DIP2C: variants seen among roughly 807,000 people sequenced by gnomAD.
The protein encoded by DIP2C is DIP2 acetate--CoA ligase C (putative), also known as disco-interacting protein 2 homolog C.
Under a neutral mutation model 192.4 loss-of-function variants are expected in DIP2C, and 33 were observed. The ratio of observed to expected loss-of-function variants is 0.17; its 90% CI spans 0.13 to 0.23. The LOEUF (loss-of-function observed/expected upper bound fraction) is 0.23. Among genes scored for constraint, DIP2C ranks in the 10% least tolerant of loss-of-function variants. The pLI is 1.00. For synonymous variants in DIP2C, 979 were observed against 864.1 expected (o/e 1.13, Z -2.33); for missense variants, 1,537 against 2,110.1 (o/e 0.73, Z 5.32).
At chr10:436,100 C>T (rs149204033) in intron 4 of DIP2C, among the ~76,000 whole-genome samples, 1,572 of 152,250 alleles carry the variant, frequency 0.01, 8 homozygotes, top group Non-Finnish European at 0.017. Flanking sequence ...TTTCACACAG[C>T]GAATTCAGTT....
chr10:689,382 C>T lies in DIP2C; in HGVS notation c.85+112G>A. On this transcript the variant is annotated intron_variant, in intron 1 of 36. Transcript: ENST00000280886. The surrounding 1 kb of genome is among the most constrained non-coding windows in gnomAD (Gnocchi z 6.1). ...CGCACGCTCCGGGCTGGGGTCGCAC[C>T]TCCCCCTCCGGGCCCGGCCCCCGCC... The T allele has an allele frequency of 1.8e-6, 1 of 555,494 alleles. No individual in the cohort carries two copies. Among genetic ancestry groups the T allele is most frequent in the Non-Finnish European group, 2.3e-6 (1 of 434,696 alleles). 34.4% of individuals were successfully genotyped at this position (555,494 alleles called of 1,614,324 possible).
chr10:453,326 G>C (rs565858300), intron 3 of DIP2C, among the ~76,000 whole-genome samples: 1 of 151,712 alleles, frequency 6.6e-6, no homozygotes, highest in East Asian at 1.9e-4. Flanking sequence ...GAAATCTCTC[G>C]GGTGAAGGTA....
At chr10:456,915 T>C (rs1969349773) in intron 3 of DIP2C, among the ~76,000 whole-genome samples, 1 of 152,252 alleles carries the variant, frequency 6.6e-6, no homozygotes. Flanking sequence ...CTTTTCTTCA[T>C]GTGGACTGGA....
intron 3 of DIP2C, among the ~76,000 whole-genome samples, chr10:450,465 C>T (rs991286680): frequency 6.6e-6 from 1 of 152,224 alleles, no homozygotes; most frequent in Non-Finnish European, 1.5e-5. Context: ...TTGGGCCACA[C>T]TTCCTGCTTC....
At chr10:442,295 G>A (rs910792841) in intron 3 of DIP2C, among the ~76,000 whole-genome samples, 5 of 152,002 alleles carry the variant, frequency 3.3e-5, no homozygotes, top group Admixed American at 2.6e-4. Context: ...ACCCAGACCC[G>A]CCGCATCACG....
intron 1 of DIP2C, among the ~76,000 whole-genome samples, chr10:657,120 G>GCTGGACCTGCCACTGGACCTGCCA (rs1196149308): frequency 7.2e-6 from 1 of 139,120 alleles, no homozygotes; most frequent in Non-Finnish European, 1.6e-5. Flanking sequence ...CGGACCTGCC[G>GCTGGACCTGCCACTGGACCTGCCA]CTGGACCTGC....
chr10:427,237 CCCT>C (rs1966652459), intron 4 of DIP2C, among the ~76,000 whole-genome samples: 3 of 152,162 alleles, frequency 2.0e-5, no homozygotes, highest in African/African-American at 7.2e-5. Context: ...GACTTATGGC[CCCT>C]CCTCATCTTT....
At chr10:530,764 T>A (rs1847319225) in intron 1 of DIP2C, among the ~76,000 whole-genome samples, 1 of 151,466 alleles carries the variant, frequency 6.6e-6, no homozygotes, top group Non-Finnish European at 1.5e-5. Context: ...CGAGATGGAC[T>A]CTCTGTGGCT....
intron 1 of DIP2C, among the ~76,000 whole-genome samples, chr10:553,954 T>C (rs375314552): frequency 1.4e-5 from 2 of 147,136 alleles, no homozygotes; most frequent in Non-Finnish European, 3.0e-5. Context: ...TGATACCTCA[T>C]AGAAAAAACG....
chr10:419,111 C>G lies in DIP2C; in HGVS notation c.693G>C (p.Arg231=). 1 of 1,614,272 alleles carries G rather than the reference C, an allele frequency of 6.2e-7. No homozygotes were observed. The highest frequency in any genetic ancestry group is 8.5e-7 in the Non-Finnish European group (1 of 1,180,054). The change falls in exon 6 of 37, where the codon CGG becomes CGC. Residue 231 remains arginine (R), a synonymous_variant. Coordinates refer to ENST00000280886, the MANE Select transcript of DIP2C (RefSeq NM_014974.3). The part of the protein sequence containing the change: ...VERPQGSTGS[R]TAPKYGNAEL... ...CGGCGTTGCCGTACTTGGGCGCTGTCCGGGACCCCGTGGAACCCTGCGGTC... is the reference window on the plus strand; with the variant it reads ...CGGCGTTGCCGTACTTGGGCGCTGTGCGGGACCCCGTGGAACCCTGCGGTC...
chr10:353,500 T>G (rs1029932263), intron 24 of DIP2C, among the ~76,000 whole-genome samples: 3 of 151,494 alleles, frequency 2.0e-5, no homozygotes, highest in Non-Finnish European at 4.4e-5. Context: ...GCGACTCTCG[T>G]GCTTCCAGCC....
chr10:431,227 G>A (rs938966854), intron 4 of DIP2C, among the ~76,000 whole-genome samples: 2 of 152,052 alleles, frequency 1.3e-5, no homozygotes, highest in African/African-American at 4.8e-5. Context: ...TTGAATCAGT[G>A]TGTTGATATT....
At chr10:291,392 C>G (rs1017836147) in intron 32 of DIP2C, among the ~76,000 whole-genome samples, 1 of 152,198 alleles carries the variant, frequency 6.6e-6, no homozygotes, top group Admixed American at 6.5e-5. Flanking sequence ...GATGAAAAAG[C>G]TAAATATCCT....
At chr10:417,571 G>A (rs1965727093) in intron 6 of DIP2C, among the ~76,000 whole-genome samples, 2 of 152,042 alleles carry the variant, frequency 1.3e-5, no homozygotes, top group South Asian at 4.1e-4. Flanking sequence ...CTCACGTGAG[G>A]ATGTGGCAGT....
chr10:381,582 G>A lies in DIP2C; in HGVS notation c.1991+1065C>T, dbSNP rs142428623. Among the ~76,000 whole-genome samples the A allele has an allele frequency of 7.2e-5, 11 of 152,282 alleles. No individual in the cohort carries two copies. In the East Asian group the frequency reaches 1.4e-3, roughly 19 times the overall value. ...TCCAGACACTGCACGGGAGCAGGCCGCAGCCGACCTGACATGCGTGCCCAC... is the reference window on the plus strand; with the variant it reads ...TCCAGACACTGCACGGGAGCAGGCCACAGCCGACCTGACATGCGTGCCCAC... On this transcript the variant is annotated intron_variant, in intron 17 of 36. Coordinates refer to ENST00000280886, the MANE Select transcript of DIP2C (RefSeq NM_014974.3).
rs1260266116 is a variant in DIP2C at position 363,222 on chromosome 10, A to T, written c.2567T>A (p.Phe856Tyr). ...CTGCAGCACACGGCTCATCCACTGGAAACTGTCCTCTTCCGTGGAGTCAGG... is the reference window on the plus strand; with the variant it reads ...CTGCAGCACACGGCTCATCCACTGGTAACTGTCCTCTTCCGTGGAGTCAGG... ...QRPDSTEEDS[F>Y]QWMSRVLQAI... is the part of the protein sequence containing the mutation. The change falls in exon 21 of 37, where the codon TTC becomes TAC. Residue 856 changes from phenylalanine to tyrosine, a missense_variant. This residue lies in a region of DIP2C where 677 missense variants were observed against 989.9 expected (regional missense o/e 0.68). Coordinates refer to ENST00000280886, the MANE Select transcript of DIP2C (RefSeq NM_014974.3). This position sits in a 1 kb window ranked among gnomAD's most constrained non-coding sequence, Gnocchi z 5.4. 1 of 1,613,562 alleles carries T rather than the reference A, an allele frequency of 6.2e-7. No homozygotes were observed. The highest frequency in any genetic ancestry group is 1.3e-5 in the African/African-American group (1 of 74,874).
At chr10:563,555 G>C (rs532906692) in intron 1 of DIP2C, among the ~76,000 whole-genome samples, 10 of 152,278 alleles carry the variant, frequency 6.6e-5, no homozygotes, top group African/African-American at 2.2e-4. Flanking sequence ...CAACTCGCAG[G>C]AAAGCTAGAA....
intron 29 of DIP2C, among the ~76,000 whole-genome samples, chr10:333,471 G>A (rs1158422103): frequency 6.6e-6 from 1 of 152,170 alleles, no homozygotes; most frequent in African/African-American, 2.4e-5. Context: ...CCCTCCCTCA[G>A]CAGGTGCTTC....
intron 31 of DIP2C, among the ~76,000 whole-genome samples, chr10:324,077 A>C (rs7077451): frequency 1.2e-3 from 183 of 152,088 alleles, no homozygotes; most frequent in African/African-American, 4.2e-3. Context: ...AGCGTTCCTG[A>C]CTGCCCTCCC....
Sources: gnomAD v4.1 joint callset for allele counts (sites outside exome capture counted in the v4.1 genomes callset) on GRCh38, gnomAD v4.1.1 for gene constraint, gnomAD v4.1.1 regional missense constraint, Gnocchi (gnomAD v3.1) non-coding constraint, MANE v1.5 for transcripts, NCBI Gene and HGNC (gene_info 2026-07-23, HGNC 2026-07-21) for gene names.